ATP8B4: variants seen among roughly 807,000 people sequenced by gnomAD.
The protein encoded by ATP8B4 is probable phospholipid-transporting ATPase IM.
ATP8B4 carries 133 observed loss-of-function variants against 145.6 expected under a neutral mutation model. That is an observed-to-expected ratio of 0.91 (90% CI 0.79 to 1.05). ATP8B4 has a LOEUF of 1.05. Among genes scored for constraint, ATP8B4 ranks in the 50% least tolerant of loss-of-function variants. The pLI is 0.00. For synonymous variants in ATP8B4, 507 were observed against 492.9 expected (o/e 1.03, Z -0.38); for missense variants, 1,458 against 1,425.2 (o/e 1.02, Z -0.37).
At chr15:50,031,047 G>C (rs1275349747) in intron 6 of ATP8B4, among the ~76,000 whole-genome samples, 2 of 152,150 alleles carry the variant, frequency 1.3e-5, no homozygotes, top group African/African-American at 4.8e-5. Context: ...GACTTAAGAA[G>C]CTGAAATTAA....
intron 10 of ATP8B4, among the ~76,000 whole-genome samples, chr15:49,985,258 G>C (rs148907525): frequency 8.5e-5 from 13 of 152,066 alleles, no homozygotes; most frequent in African/African-American, 2.9e-4. Flanking sequence ...CAACACGCCT[G>C]GCTAATTTTT....
intron 7 of ATP8B4, 85 bp from the exon 8 acceptor site, chr15:50,002,308 A>G: frequency 2.8e-6 from 3 of 1,078,778 alleles, no homozygotes; most frequent in Non-Finnish European, 4.1e-6. Context: ...CTTGACTACT[A>G]AAGAGGCAAC....
intron 13 of ATP8B4, among the ~76,000 whole-genome samples, chr15:49,962,597 A>C (rs2044179765): frequency 6.6e-6 from 1 of 152,220 alleles, no homozygotes; most frequent in Non-Finnish European, 1.5e-5. Context: ...ATCTAATAGA[A>C]AATAAGGGAC....
rs946955792 is a variant in ATP8B4 at position 49,891,378 on chromosome 15, T to C, written c.2697+5914A>G. ...TCTCGCTCCATCACCCAGGCTGGAA[T>C]GCAGTGGTGTGATCTCAGCTCACTG... is the stretch of plus-strand genomic sequence containing the variant. On this transcript the variant is annotated intron_variant, in intron 23 of 27. Transcript: ENST00000284509. 1.4e-4 allele frequency among the ~76,000 whole-genome samples: 21 copies of C among 152,142 alleles called. 1 individual carries two copies. The highest frequency in any genetic ancestry group is 3.2e-3 in the Middle Eastern group (1 of 314).
chr15:49,925,791 A>G (rs561320339), intron 16 of ATP8B4, among the ~76,000 whole-genome samples: 1 of 152,172 alleles, frequency 6.6e-6, no homozygotes, highest in Admixed American at 6.5e-5. Flanking sequence ...CTCATTAAAC[A>G]TTTGCTTTAG....
chr15:50,125,678 GT>G (rs910810995), intron 1 of ATP8B4, among the ~76,000 whole-genome samples: 9 of 152,148 alleles, frequency 5.9e-5, no homozygotes, highest in Admixed American at 2.0e-4. Flanking sequence ...AAACCCATCT[GT>G]GGGGGCAATT....
rs766051030 is a variant in ATP8B4, at chr15:50,038,783, A to G, written c.347T>C (p.Val116Ala). ...DNQVNNRQSE[V>A]LINSKLQNEK... ...TATTTCTTACTTGCTGTTGATGAGC[A>G]CTTCAGACTGCCGATTATTCACTTG... Residue 116 changes from valine (V) to alanine (A), a missense_variant, in exon 6 of 28, where the codon GTG becomes GCG. Transcript: ENST00000284509. 3.1e-6 allele frequency: 5 copies of G among 1,613,412 alleles called. No individual in the cohort carries two copies. In the South Asian group the frequency reaches 3.3e-5, roughly 11 times the overall value.
rs375328301 is a variant in ATP8B4 at position 49,921,780 on chromosome 15, C to G, written c.1759-1370G>C. On this transcript the variant is annotated intron_variant, in intron 17 of 27. Coordinates refer to ENST00000284509, the MANE Select transcript of ATP8B4 (RefSeq NM_024837.4). ...CCAGACAGATATTGAGAAAAAGTAT[C>G]CAAATTTCTATAGTAGGCAGTTGGT... Among the ~76,000 whole-genome samples the G allele has an allele frequency of 1.4e-4, 21 of 152,328 alleles. No individual in the cohort carries two copies. The East Asian group carries it at 1.7e-3, about 13-fold the overall frequency.
chr15:50,149,528 T>A (rs9806428), intron 1 of ATP8B4, among the ~76,000 whole-genome samples: 1 of 151,898 alleles, frequency 6.6e-6, no homozygotes, highest in Admixed American at 6.5e-5. Flanking sequence ...AGGAAACAAC[T>A]GCAGAGAGGA....
chr15:50,021,990 T>C (rs1232110391), intron 6 of ATP8B4, among the ~76,000 whole-genome samples: 1 of 152,084 alleles, frequency 6.6e-6, no homozygotes. Context: ...ACAAAGCTAA[T>C]GACAAAGTCT....
At chr15:50,061,598 TA>T (rs1416459761) in intron 3 of ATP8B4, among the ~76,000 whole-genome samples, 3 of 152,234 alleles carry the variant, frequency 2.0e-5, no homozygotes, top group African/African-American at 7.2e-5. Flanking sequence ...TTTTCATATT[TA>T]AAGCATTCAA....
chr15:50,074,769 AAAT>A (rs1218869569), intron 2 of ATP8B4, among the ~76,000 whole-genome samples: 4 of 152,254 alleles, frequency 2.6e-5, no homozygotes, highest in African/African-American at 9.6e-5. Context: ...ACACCAGTAC[AAAT>A]AATAATATAA....
intron 23 of ATP8B4, among the ~76,000 whole-genome samples, chr15:49,889,934 T>A (rs1243557104): frequency 6.6e-6 from 1 of 152,270 alleles, no homozygotes; most frequent in Non-Finnish European, 1.5e-5. Flanking sequence ...TAGGCGCTTA[T>A]GAATCATGCT....
intron 1 of ATP8B4, among the ~76,000 whole-genome samples, chr15:50,159,890 T>C (rs1471043085): frequency 6.6e-6 from 1 of 152,104 alleles, no homozygotes; most frequent in Non-Finnish European, 1.5e-5. Flanking sequence ...ATTCTGTTGA[T>C]GATTACTGGC....
At chr15:49,938,806 T>C (rs1197642911) in intron 14 of ATP8B4, among the ~76,000 whole-genome samples, 1 of 152,120 alleles carries the variant, frequency 6.6e-6, no homozygotes, top group African/African-American at 2.4e-5. Flanking sequence ...AGAATATACA[T>C]ACTTCTCTTC....
At position 49,862,368 on chromosome 15, in the gene ATP8B4, T is replaced by A; in HGVS notation, c.3174A>T (p.Ala1058=). The part of the protein sequence containing the change: ...FPNQFPFVGN[A]RHSLTQKCIW... The stretch of plus-strand genomic sequence containing the variant: ...TGCACTTCTGGGTCAGGGAATGTCG[T>A]GCATTACCTATCAATCATTAAAGAA... The change falls in exon 27 of 28, where the codon GCA becomes GCT. Residue 1058 remains alanine, a synonymous_variant. Transcript: ENST00000284509. 6.2e-7 allele frequency: 1 copy of A among 1,613,416 alleles called. No individual in the cohort carries two copies. The highest frequency in any genetic ancestry group is 1.1e-5 in the South Asian group (1 of 91,044).
chr15:50,179,923 A>G (rs375011957), intron 1 of ATP8B4, among the ~76,000 whole-genome samples: 7 of 152,194 alleles, frequency 4.6e-5, no homozygotes, highest in Non-Finnish European at 7.4e-5. Context: ...ATAAAGCAAG[A>G]GCTGGATCCC....
intron 6 of ATP8B4, among the ~76,000 whole-genome samples, chr15:50,028,091 G>T (rs4356419): frequency 0.13 from 19,927 of 151,948 alleles, 1,419 homozygotes; most frequent in African/African-American, 0.19. Flanking sequence ...TATTTCCCAG[G>T]CTTCCTCATC....
At chr15:50,021,591 C>T (rs1403249046) in intron 6 of ATP8B4, among the ~76,000 whole-genome samples, 2 of 152,170 alleles carry the variant, frequency 1.3e-5, no homozygotes, top group African/African-American at 4.8e-5. Context: ...CTTCAAGGGG[C>T]CTTCTCTGGT....
Sources: gnomAD v4.1 joint callset for allele counts (sites outside exome capture counted in the v4.1 genomes callset) on GRCh38, gnomAD v4.1.1 for gene constraint, MANE v1.5 for transcripts, NCBI Gene and HGNC (gene_info 2026-07-23, HGNC 2026-07-21) for gene names.